The following CYGB variants were observed in gnomAD, a reference collection of about 807,000 sequenced individuals.
CYGB encodes the protein histoglobin.
In CYGB, 13 loss-of-function variants were observed where a neutral mutation model predicts 20.7. That is an observed-to-expected ratio of 0.63 (90% CI 0.41 to 1.00). CYGB has a LOEUF of 1.00. Among genes scored for constraint, CYGB ranks in the 50% least tolerant of loss-of-function variants. The probability of loss-of-function intolerance (pLI) is 0.00; values close to 1 mark genes in which losing one functional copy is unlikely to be tolerated. For synonymous variants in CYGB, 93 were observed against 107.4 expected (o/e 0.87, Z 0.83); for missense variants, 218 against 257.2 (o/e 0.85, Z 1.04).
intron 1 of CYGB, chr17:76,543,370 A>G (rs560934339): frequency 4.1e-4 from 141 of 340,238 alleles, no homozygotes; most frequent in African/African-American, 2.9e-3. Context: ...CCCAGGCAAG[A>G]GGCAGGAATA....
At chr17:76,550,679 G>A (rs1433832119) in intron 1 of CYGB, 4 of 152,224 alleles carry the variant, frequency 2.6e-5, no homozygotes, top group Non-Finnish European at 5.9e-5. Context: ...ATACTGTATT[G>A]TATGTAAGTT....
chr17:76,540,515 G>T (rs372084413), upstream of CYGB: 1 of 1,613,696 alleles, frequency 6.2e-7, no homozygotes, highest in East Asian at 2.2e-5. This position sits in a 1 kb window ranked among gnomAD's most constrained non-coding sequence, Gnocchi z 5.0. Context: ...AGAGCCCAGC[G>T]ACGTGGATGG....
In CYGB at chr17:76,528,289, C is replaced by G. The variant is rs867492091; in HGVS notation, c.*289G>C. 2.5e-6 allele frequency: 1 copy of G among 400,088 alleles called. No homozygotes were observed. Among genetic ancestry groups the G allele is most frequent in the African/African-American group, 2.1e-5 (1 of 48,590 alleles). The allele number at this position is 400,088 out of a possible 1,614,324, so 24.8% of individuals were successfully genotyped here. Reference sequence around the variant, plus strand: ...CCCTAAGGGACTCCTAGACCTGTCCCGCTTCCTGCCAGCCGCTCAGCTAGG... The same window carrying G: ...CCCTAAGGGACTCCTAGACCTGTCCGGCTTCCTGCCAGCCGCTCAGCTAGG... On this transcript the variant is annotated 3_prime_UTR_variant, in exon 4 of 4. Coordinates refer to ENST00000293230, the MANE Select transcript of CYGB (RefSeq NM_134268.5). This position sits in a 1 kb window ranked among gnomAD's most constrained non-coding sequence, Gnocchi z 5.8.
intron 1 of CYGB, among the ~76,000 whole-genome samples, chr17:76,543,642 C>G (rs2075018412): frequency 1.3e-5 from 2 of 152,234 alleles, no homozygotes; most frequent in Non-Finnish European, 2.9e-5. Context: ...GCGGCCTCCC[C>G]CTGGAACCTA....
At chr17:76,538,587 G>A, upstream of CYGB, 1 of 439,710 alleles carries the variant, frequency 2.3e-6, no homozygotes, top group Admixed American at 2.6e-5. Flanking sequence ...AGGGCAGACA[G>A]GACCTGGCAG....
chr17:76,544,818 T>G (rs912018272), intron 1 of CYGB: 3 of 456,702 alleles, frequency 6.6e-6, no homozygotes, highest in African/African-American at 6.0e-5. Context: ...CTCCTTCCAC[T>G]GGTCTGAGGA....
rs1018531114 is a variant in CYGB at position 76,533,982 on chromosome 17, G to A, written c.144-2291C>T. Among the ~76,000 whole-genome samples the A allele has an allele frequency of 2.0e-5, 3 of 152,164 alleles. No homozygotes were observed. The highest frequency in any genetic ancestry group is 7.2e-5 in the African/African-American group (3 of 41,442). ...CGAGCCCAGGATTGGAGGCTGCCAT[G>A]AGCCATGATGGCGCCACCGTACTCC... On this transcript the variant is annotated intron_variant, in intron 1 of 3. Transcript: ENST00000293230. This position sits in a 1 kb window ranked among gnomAD's most constrained non-coding sequence, Gnocchi z 4.5.
upstream of CYGB, chr17:76,538,532 T>A (rs1055672626): frequency 8.6e-6 from 4 of 464,916 alleles, no homozygotes; most frequent in Non-Finnish European, 1.8e-5. Context: ...CTGCCCTGAA[T>A]TCTAGCCCAG....
upstream of CYGB, chr17:76,538,568 G>T (rs9914222): frequency 0.2 from 93,751 of 462,442 alleles, 10,536 homozygotes; most frequent in South Asian, 0.33. Flanking sequence ...GTCCAGAGAG[G>T]CACCGGATAG....
chr17:76,542,359 G>A (rs757824857), upstream of CYGB, among the ~76,000 whole-genome samples: 4 of 152,204 alleles, frequency 2.6e-5, no homozygotes, highest in Non-Finnish European at 5.9e-5. Flanking sequence ...GGTGGCTGCC[G>A]TGGAAGGCTG....
upstream of CYGB, chr17:76,538,604 A>T: frequency 2.4e-6 from 1 of 416,682 alleles, no homozygotes; most frequent in African/African-American, 2.1e-5. Context: ...GCAGACAAAA[A>T]GTCTTGAGGA....
chr17:76,539,567 C>T (rs2074962097), upstream of CYGB, among the ~76,000 whole-genome samples: 1 of 152,186 alleles, frequency 6.6e-6, no homozygotes, highest in African/African-American at 2.4e-5. Context: ...CCCCTTTCTT[C>T]CTCCTCTCCT....
upstream of CYGB, among the ~76,000 whole-genome samples, chr17:76,539,471 T>C (rs1876120621): frequency 6.6e-6 from 1 of 152,206 alleles, no homozygotes; most frequent in South Asian, 2.1e-4. Flanking sequence ...ATCAGAAAAG[T>C]TTGGAGAGGA....
chr17:76,537,084 T>C (rs2074923850), intron 1 of CYGB, among the ~76,000 whole-genome samples: 1 of 152,176 alleles, frequency 6.6e-6, no homozygotes, highest in Non-Finnish European at 1.5e-5. Flanking sequence ...AATGTGTGTG[T>C]CTGACAGTTT....
chr17:76,547,700 GAC>G (rs140351477), intron 1 of CYGB, among the ~76,000 whole-genome samples: 33 of 136,024 alleles, frequency 2.4e-4, no homozygotes, highest in East Asian at 8.8e-4. Context: ...CACACACACA[GAC>G]ACACACACAC....
rs1247011834 is a variant in CYGB at position 76,531,618 on chromosome 17, C to T, written c.217G>A (p.Glu73Lys). 10 of 1,613,454 alleles carry T rather than the reference C, an allele frequency of 6.2e-6. No individual in the cohort carries two copies. Among genetic ancestry groups the T allele is most frequent in the East Asian group, 2.2e-5 (1 of 44,846 alleles). The change falls in exon 2 of 4, where the codon GAG becomes AAG. Residue 73 changes from glutamate to lysine, a missense_variant. Physicochemically the swap from Glu to Lys is moderately conservative, Grantham distance 56 (BLOSUM62 1). This residue lies in a region of CYGB where 152 missense variants were observed against 149.9 expected (regional missense o/e 1.01). Coordinates refer to ENST00000293230, the MANE Select transcript of CYGB (RefSeq NM_134268.5). This position sits in a 1 kb window ranked among gnomAD's most constrained non-coding sequence, Gnocchi z 7.4. ...FKHMEDPLEM[E>K]RSPQLRKHAC... ...TGCTTCCGCAGCTGGGGGCTCCGCT[C>T]CATCTCCAGGGGATCCTCCATGTGC...
chr17:76,537,283 G>GCCCCATTC (rs2074927954), intron 1 of CYGB, 117 bp downstream of exon 1: 1 of 1,200,362 alleles, frequency 8.3e-7, no homozygotes, highest in Admixed American at 4.1e-5. Context: ...CCTCGGACCG[G>GCCCCATTC]CCCCATTCGC....
chr17:76,550,819 A>C (rs760723727), intron 1 of CYGB: 1 of 152,238 alleles, frequency 6.6e-6, no homozygotes, highest in Non-Finnish European at 1.5e-5. Flanking sequence ...GAGTGTTCAA[A>C]GTATGTTGAA....
At chr17:76,545,000 G>T in intron 1 of CYGB, 1 of 456,224 alleles carries the variant, frequency 2.2e-6, no homozygotes, top group Non-Finnish European at 4.4e-6. Flanking sequence ...CGGCCAGCGG[G>T]GCTGTGGCTG....
Sources: allele counts gnomAD v4.1 joint callset (sites outside exome capture counted in the v4.1 genomes callset), GRCh38; gene constraint gnomAD v4.1.1; regional missense constraint gnomAD v4.1.1; non-coding constraint Gnocchi (gnomAD v3.1); transcripts MANE v1.5; gene names NCBI Gene and HGNC (gene_info 2026-07-23, HGNC 2026-07-21).